Variants in MACF1 observed in about 807,000 individuals in gnomAD.
MACF1 encodes microtubule-actin cross-linking factor 1.
Under a neutral mutation model 854.8 loss-of-function variants are expected in MACF1, and 193 were observed. That is an observed-to-expected ratio of 0.23 (90% CI 0.20 to 0.25). The LOEUF is 0.25. MACF1 is among the 10% of genes least tolerant of loss of function. The probability of loss-of-function intolerance (pLI) is 1.00; values close to 1 mark genes in which losing one functional copy is unlikely to be tolerated. For missense variants in MACF1, 7,722 were observed against 8,929.1 expected (o/e 0.86, Z 5.45); for synonymous variants, 3,185 against 3,226.7 (o/e 0.99, Z 0.44).
chr1:39,145,506 C>G lies in MACF1; in HGVS notation c.220+61068C>G, dbSNP rs189765968. ...CCTTTAAGCTTATCTCTTCTTCAGA[C>G]TAACTCTCTGTGCTTTTTTTTTCTT... On this transcript the variant is annotated intron_variant, in intron 2 of 93. Coordinates refer to the MACF1 transcript ENST00000361689. 8.0e-4 allele frequency among the ~76,000 whole-genome samples: 119 copies of G among 148,656 alleles called. 2 individuals are homozygous for G. The highest frequency in any genetic ancestry group is 1.5e-3 in the Admixed American group (22 of 14,856).
chr1:39,192,133 A>C (rs556822407), intron 2 of MACF1, among the ~76,000 whole-genome samples: 4 of 152,328 alleles, frequency 2.6e-5, no homozygotes, highest in African/African-American at 7.2e-5. Context: ...CCTGGGCGAC[A>C]CAGCAAGACT....
intron 2 of MACF1, among the ~76,000 whole-genome samples, chr1:39,153,588 G>A (rs750647280): frequency 3.3e-5 from 5 of 152,160 alleles, no homozygotes; most frequent in Admixed American, 6.5e-5. Flanking sequence ...TCTAATCCAC[G>A]TGAAGTAATT....
chr1:39,309,595 A>G lies in MACF1; in HGVS notation c.2815A>G (p.Met939Val). ...SRVEQSYQKV[M>V]ALWHQLHVNT... ...GGTCGAACAATCTTATCAGAAGGTTATGGCCCTTTGGCATCAGCTGCATGT... is the reference window on the plus strand; with the variant it reads ...GGTCGAACAATCTTATCAGAAGGTTGTGGCCCTTTGGCATCAGCTGCATGT... Residue 939 changes from methionine to valine, a missense_variant, in exon 24 of 101, where the codon ATG becomes GTG. Physicochemically the swap from Met to Val is conservative, Grantham distance 21. Transcript: ENST00000564288. The G allele has an allele frequency of 6.2e-7, 1 of 1,614,204 alleles. No homozygotes were observed. The highest frequency in any genetic ancestry group is 8.5e-7 in the Non-Finnish European group (1 of 1,180,004).
chr1:39,339,353 A>T (rs1276097410), intron 38 of MACF1, among the ~76,000 whole-genome samples: 2 of 152,220 alleles, frequency 1.3e-5, no homozygotes, highest in Non-Finnish European at 2.9e-5. Flanking sequence ...CTAACTGGAG[A>T]TCTCTGAAGA....
intron 84 of MACF1, among the ~76,000 whole-genome samples, chr1:39,449,756 G>A (rs1013161697): frequency 6.7e-6 from 1 of 149,756 alleles, no homozygotes; most frequent in African/African-American, 2.5e-5. Context: ...AGGCTGGAGT[G>A]CAGAACTTAC....
intron 93 of MACF1, among the ~76,000 whole-genome samples, 190 bp downstream of exon 93, chr1:39,462,227 C>G (rs914981996): frequency 5.9e-5 from 9 of 152,116 alleles, no homozygotes; most frequent in Non-Finnish European, 8.8e-5. Context: ...CATCTGAGCT[C>G]TAGCTCAGGC....
At chr1:39,484,871 T>TC in intron 100 of MACF1, 141 bp downstream of exon 100, 1 of 903,346 alleles carries the variant, frequency 1.1e-6, no homozygotes, top group Non-Finnish European at 1.8e-6. Context: ...CTGCAGATGC[T>TC]CAAGTGACCT....
rs191584810 is a variant in MACF1, at chr1:39,294,922, A to G, written c.2155-124A>G. 24 of 664,352 alleles carry G rather than the reference A, an allele frequency of 3.6e-5. No homozygotes were observed. In the East Asian group the frequency reaches 5.1e-4, roughly 14 times the overall value. 41.2% of individuals were successfully genotyped at this position (664,352 alleles called of 1,614,324 possible). A position where few individuals can be genotyped will look rare whatever the true frequency, so the allele number is the denominator to read the frequency against. ...ATCCTCTGGCATGCACTGTTTATAC[A>G]TCTCATTTTGCCACCAATTCTATAT... is the stretch of plus-strand genomic sequence containing the variant. On this transcript the variant is annotated intron_variant, in intron 18 of 100. Coordinates refer to ENST00000564288, the MANE Select transcript of MACF1 (RefSeq NM_001394062.1).
intron 1 of MACF1, among the ~76,000 whole-genome samples, chr1:39,218,799 A>G (rs1212529215): frequency 3.3e-5 from 5 of 152,198 alleles, no homozygotes; most frequent in Non-Finnish European, 4.4e-5. Context: ...TTTTTGAGAC[A>G]GAGTCCTGCT....
intron 2 of MACF1, among the ~76,000 whole-genome samples, chr1:39,247,318 G>A (rs532493303): frequency 7.9e-5 from 12 of 151,902 alleles, no homozygotes; most frequent in Non-Finnish European, 1.3e-4. Context: ...TGATCCGCCC[G>A]TCTCGGCCTC....
At position 39,451,089 on chromosome 1, in the gene MACF1, C is replaced by A; in HGVS notation, c.20296C>A (p.Gln6766Lys). The part of the protein sequence containing the change: ...KLEEALLFSG[Q>K]FMDALQALVD... ...GGAGGAAGCCCTGCTCTTTTCGGGT[C>A]AGTTCATGGATGCTTTGCAGGCATT... The change falls in exon 85 of 101, where the codon CAG becomes AAG. Residue 6766 changes from glutamine to lysine, a missense_variant. Physicochemically the swap from Gln to Lys is moderately conservative, Grantham distance 53. This residue lies in a region of MACF1 where 729 missense variants were observed against 900.5 expected (regional missense o/e 0.81). Coordinates refer to ENST00000564288, the MANE Select transcript of MACF1 (RefSeq NM_001394062.1). 1 of 1,614,058 alleles carries A rather than the reference C, an allele frequency of 6.2e-7. No homozygotes were observed. The highest frequency in any genetic ancestry group is 1.1e-5 in the South Asian group (1 of 91,034).
intron 2 of MACF1, among the ~76,000 whole-genome samples, chr1:39,151,011 C>T (rs1356328074): frequency 2.0e-5 from 3 of 152,190 alleles, no homozygotes; most frequent in Non-Finnish European, 4.4e-5. Context: ...GATTTTATCT[C>T]TGAGAGCTAG....
chr1:39,358,958 A>G (rs953388390), intron 46 of MACF1, 85 bp downstream of exon 46: 3 of 1,495,568 alleles, frequency 2.0e-6, no homozygotes, highest in East Asian at 2.3e-5. Flanking sequence ...AAATGCTTAC[A>G]TAAAATAAAG....
At chr1:39,142,816 CCACCTGGAG>C (rs1391413537) in intron 2 of MACF1, among the ~76,000 whole-genome samples, 2 of 152,314 alleles carry the variant, frequency 1.3e-5, no homozygotes, top group Admixed American at 6.5e-5. Flanking sequence ...AGCCAGGTTA[CCACCTGGAG>C]CACCTGGAGC....
At position 39,332,875 on chromosome 1, in the gene MACF1, A is replaced by G; in HGVS notation, c.6287A>G (p.Lys2096Arg). ...AGAAATCCAAACATTGATGCTTTGAAGGTAATAAATAAAGTCAAATTAGAG... is the reference window on the plus strand; with the variant it reads ...AGAAATCCAAACATTGATGCTTTGAGGGTAATAAATAAAGTCAAATTAGAG... ...KERNPNIDALKVINKVKLEVQ... is the reference protein window; with the variant it reads ...KERNPNIDALRVINKVKLEVQ... Residue 2096 changes from lysine to arginine, a missense_variant, in exon 37 of 101, where the codon AAG becomes AGG. Physicochemically the swap from Lys to Arg is conservative, Grantham distance 26. Around this residue, in one of 15 missense-constraint regions of MACF1, gnomAD observed 1,531 missense variants for 1,601.6 expected, o/e 0.96. Transcript: ENST00000564288. 1.9e-6 allele frequency: 3 copies of G among 1,614,172 alleles called. No individual in the cohort carries two copies. The highest frequency in any genetic ancestry group is 8.5e-7 in the Non-Finnish European group (1 of 1,180,032).
intron 2 of MACF1, among the ~76,000 whole-genome samples, chr1:39,137,154 C>G (rs1643196810): frequency 6.6e-6 from 1 of 152,188 alleles, no homozygotes; most frequent in African/African-American, 2.4e-5. Flanking sequence ...ACTGCAACCA[C>G]CACCTCCCAG....
chr1:39,412,064 C>T, intron 58 of MACF1: 1 of 1,613,976 alleles, frequency 6.2e-7, no homozygotes, highest in African/African-American at 1.3e-5. Flanking sequence ...AAGCTGGACC[C>T]AGGAGGACTG....
rs1239295471 is a variant in MACF1, at chr1:39,346,946, G to GT, written c.10582-30dup. ...AGAAATGGAAGTATCATGGTTTTTTGTGTTTTGTTTCCTTTTTCCATTTAC... is the reference window on the plus strand; with the variant it reads ...AGAAATGGAAGTATCATGGTTTTTTGTTGTTTTGTTTCCTTTTTCCATTTAC... On this transcript the variant is annotated intron_variant, in intron 40 of 100. Transcript: ENST00000564288. The GT allele has an allele frequency of 4.8e-6, 7 of 1,455,220 alleles. No individual in the cohort carries two copies. The South Asian group carries it at 6.0e-5, about 12-fold the overall frequency. 90.1% of individuals were successfully genotyped at this position (1,455,220 alleles called of 1,614,324 possible).
At position 39,393,925 on chromosome 1, in the gene MACF1, A is replaced by AGAAC. The variant is rs1205894593; in HGVS notation, c.15816+5280_15816+5283dup. Among the ~76,000 whole-genome samples, 19 of 152,114 alleles carry AGAAC rather than the reference A, an allele frequency of 1.2e-4. No homozygotes were observed. In the East Asian group the frequency reaches 1.7e-3, roughly 14 times the overall value. On this transcript the variant is annotated intron_variant, in intron 58 of 100. Coordinates refer to ENST00000564288, the MANE Select transcript of MACF1 (RefSeq NM_001394062.1). ...AAAGAAAAGAAAGAAAGAGAAAGAA[A>AGAAC]GAACGAACGAACGAACAATGGGAAA... is the stretch of plus-strand genomic sequence containing the variant.
Sources: allele counts gnomAD v4.1 joint callset (sites outside exome capture counted in the v4.1 genomes callset), GRCh38; gene constraint gnomAD v4.1.1; regional missense constraint gnomAD v4.1.1; transcripts MANE v1.5; gene names NCBI Gene and HGNC (gene_info 2026-07-23, HGNC 2026-07-21).